NAT10: variants seen among roughly 807,000 people sequenced by gnomAD.
NAT10 encodes the protein N-acetyltransferase 10, also known as RNA cytidine acetyltransferase.
NAT10 carries 109 observed loss-of-function variants against 132.2 expected under a neutral mutation model. The observed-to-expected ratio is 0.82, with a 90% CI of 0.71 to 0.97. NAT10 has a LOEUF of 0.97. NAT10 is among the 50% of genes least tolerant of loss of function. The pLI, the probability that NAT10 is intolerant of heterozygous loss-of-function variation, is 0.00. For missense variants in NAT10, 1,184 were observed against 1,263.4 expected (o/e 0.94, Z 0.95); for synonymous variants, 479 against 478.0 (o/e 1.00, Z -0.03).
Position 34,130,833 on chromosome 11 carries a change from C to A in NAT10, c.1265C>A (p.Ser422Ter). 1.2e-6 allele frequency: 2 copies of A among 1,614,172 alleles called. No individual in the cohort carries two copies. The highest frequency in any genetic ancestry group is 2.2e-5 in the South Asian group (2 of 91,064). Residue 422 changes from serine (S) to a stop codon, truncating the protein, a stop_gained, in exon 13 of 29, where the codon TCA (serine) becomes TAA (stop). Coordinates refer to ENST00000257829, the MANE Select transcript of NAT10 (RefSeq NM_024662.3). LOFTEE classifies it high-confidence loss of function. ...TCTAGCTATGAGGGCACTGGCCGGT[C>A]ACTGTCCCTCAAGCTAATTCAGCAG... ...TINGYEGTGR[S>*]LSLKLIQQLR...
At chr11:34,132,963 A>C (rs950851009) in intron 15 of NAT10, 63 bp from the exon 16 acceptor site, 61 of 1,369,634 alleles carry the variant, frequency 4.5e-5, no homozygotes, top group Non-Finnish European at 4.4e-5. Context: ...TTCTGAATCG[A>C]ACCTTTTGCG....
intron 3 of NAT10, among the ~76,000 whole-genome samples, chr11:34,111,051 T>C (rs1450652252): frequency 6.6e-6 from 1 of 152,268 alleles, no homozygotes; most frequent in Non-Finnish European, 1.5e-5. Flanking sequence ...TTAGGGCTTC[T>C]GGTTTTCACT....
Position 34,124,370 on chromosome 11 carries a change from T to TGTATTTCGAGAAC in NAT10, c.1078_1090dup (p.His364ArgfsTer24). On this transcript the variant is annotated frameshift_variant, in exon 11 of 29. Transcript: ENST00000257829. LOFTEE classifies it high-confidence loss of function. ...TTAACAAAGCAGTGATCAGAGTGAA[T>TGTATTTCGAGAAC]GTATTTCGAGAACACAGGCAGACTA... 6.2e-7 allele frequency: 1 copy of TGTATTTCGAGAAC among 1,614,026 alleles called. No homozygotes were observed. Among genetic ancestry groups the TGTATTTCGAGAAC allele is most frequent in the Non-Finnish European group, 8.5e-7 (1 of 1,179,930 alleles).
At chr11:34,132,258 G>T (rs745936858) in intron 15 of NAT10, 37 bp downstream of exon 15, 2 of 1,526,220 alleles carry the variant, frequency 1.3e-6, no homozygotes, top group Admixed American at 3.3e-5. Context: ...TGGTAGCAGG[G>T]AGCTTCAGCA....
intron 11 of NAT10, 51 bp from the exon 12 acceptor site, chr11:34,127,412 G>A (rs1475406363): frequency 1.3e-6 from 2 of 1,532,446 alleles, no homozygotes; most frequent in Non-Finnish European, 1.8e-6. Context: ...AGTAATCACA[G>A]CTGTGACATG....
chr11:34,115,670 C>T (rs1047153332), intron 5 of NAT10, among the ~76,000 whole-genome samples, 153 bp from the exon 6 acceptor site: 1 of 152,246 alleles, frequency 6.6e-6, no homozygotes, highest in African/African-American at 2.4e-5. Context: ...ATCCCAGTTT[C>T]AGCAAATACC....
At position 34,123,777 on chromosome 11, in the gene NAT10, T is replaced by G; in HGVS notation, c.930T>G (p.Phe310Leu). 1 of 1,605,086 alleles carries G rather than the reference T, an allele frequency of 6.2e-7. No individual in the cohort carries two copies. Among genetic ancestry groups the G allele is most frequent in the Non-Finnish European group, 8.5e-7 (1 of 1,171,812 alleles). Residue 310 changes from phenylalanine to leucine, a missense_variant, in exon 10 of 29, where the codon TTT becomes TTG. Transcript: ENST00000257829. ...GAVAFGYSNI[F>L]VTSPSPDNLH... is the part of the protein sequence containing the mutation. Reference sequence around the variant, plus strand: ...TGTTCTGTAGGTACTCCAATATCTTTGTTACCTCCCCAAGCCCTGATAACC... The same window carrying G: ...TGTTCTGTAGGTACTCCAATATCTTGGTTACCTCCCCAAGCCCTGATAACC...
In NAT10 at chr11:34,136,672, C is replaced by T. The variant is rs767775994; in HGVS notation, c.2059C>T (p.Pro687Ser). 1.9e-6 allele frequency: 3 copies of T among 1,614,154 alleles called. No homozygotes were observed. The highest frequency in any genetic ancestry group is 2.5e-6 in the Non-Finnish European group (3 of 1,180,026). Residue 687 changes from proline to serine, a missense_variant, in exon 20 of 29, where the codon CCC (proline) becomes TCC (serine). Pro to Ser is a moderately conservative substitution (Grantham distance 74). Transcript: ENST00000257829. ...CAGCTTGTTGGAAGAGGTCATCACT[C>T]CCCGGAAGGACCTGCCTCCTTTACT... ...AVSLLEEVIT[P>S]RKDLPPLLLK...
intron 16 of NAT10, 73 bp downstream of exon 16, chr11:34,133,215 A>G (rs1018988864): frequency 8.6e-7 from 1 of 1,156,970 alleles, no homozygotes; most frequent in Non-Finnish European, 1.3e-6. Context: ...GTGGCTTAAT[A>G]ACTGCATTGT....
In NAT10 at chr11:34,145,694, G is replaced by A. The variant is rs149971628; in HGVS notation, c.2970-390G>A. On this transcript the variant is annotated intron_variant, in intron 28 of 28. Transcript: ENST00000257829. ...TTAAGGACTGTCTTCAGGGTCATTGGGATGAATATGTCTAGTTTCCAGAGT... is the reference window on the plus strand; with the variant it reads ...TTAAGGACTGTCTTCAGGGTCATTGAGATGAATATGTCTAGTTTCCAGAGT... Among the ~76,000 whole-genome samples the A allele has an allele frequency of 6.3e-3, 959 of 151,858 alleles. 11 individuals carry two copies. The highest frequency in any genetic ancestry group is 0.022 in the African/African-American group (903 of 41,136).
chr11:34,135,798 A>T (rs182830965), intron 19 of NAT10, among the ~76,000 whole-genome samples: 1 of 152,244 alleles, frequency 6.6e-6, no homozygotes, highest in African/African-American at 2.4e-5. Flanking sequence ...CTCCATCTCT[A>T]CAAAAAATAC....
At chr11:34,131,347 TTTC>T (rs1303012873) in intron 13 of NAT10, 31 bp from the exon 14 acceptor site, 2 of 1,576,640 alleles carry the variant, frequency 1.3e-6, no homozygotes, top group Non-Finnish European at 1.7e-6. Flanking sequence ...TTAATCATTG[TTTC>T]TTCTTTTGTG....
intron 26 of NAT10, 171 bp downstream of exon 26, chr11:34,141,988 A>C (rs1481714538): frequency 1.6e-6 from 1 of 643,072 alleles, no homozygotes; most frequent in African/African-American, 1.8e-5. Flanking sequence ...GTCTGAGCAC[A>C]CACAGGCCTA....
At chr11:34,145,390 T>C (rs1216259687) in intron 28 of NAT10, among the ~76,000 whole-genome samples, 1 of 152,206 alleles carries the variant, frequency 6.6e-6, no homozygotes, top group African/African-American at 2.4e-5. Flanking sequence ...ACTTCATTCA[T>C]ATGATGTTAA....
chr11:34,141,320 G>A (rs113991886), intron 25 of NAT10, 112 bp downstream of exon 25: 8 of 1,329,200 alleles, frequency 6.0e-6, no homozygotes, highest in East Asian at 2.6e-5. Flanking sequence ...GCTGCATCTC[G>A]TCACACACAC....
chr11:34,145,490 G>A (rs1012724664), intron 28 of NAT10, among the ~76,000 whole-genome samples: 1 of 152,186 alleles, frequency 6.6e-6, no homozygotes, highest in African/African-American at 2.4e-5. Flanking sequence ...TTAATGGCAG[G>A]TGGCCGTTTG....
intron 23 of NAT10, among the ~76,000 whole-genome samples, chr11:34,139,942 A>G (rs1003962007): frequency 6.6e-6 from 1 of 152,250 alleles, no homozygotes; most frequent in African/African-American, 2.4e-5. Flanking sequence ...GTTTTATTGC[A>G]TATTTTATAT....
chr11:34,122,627 T>C (rs1219262759), intron 9 of NAT10, 35 bp downstream of exon 9: 1 of 1,609,740 alleles, frequency 6.2e-7, no homozygotes. Context: ...TTAGGAACTC[T>C]GGGCTCTGTG....
chr11:34,133,698 T>A (rs1852149545), intron 16 of NAT10, among the ~76,000 whole-genome samples: 1 of 152,210 alleles, frequency 6.6e-6, no homozygotes, highest in Admixed American at 6.5e-5. Context: ...ACTTGTGCTG[T>A]TCTGTACAGA....
Sources: gnomAD v4.1 joint callset for allele counts (sites outside exome capture counted in the v4.1 genomes callset) on GRCh38, gnomAD v4.1.1 for gene constraint, MANE v1.5 for transcripts, NCBI Gene and HGNC (gene_info 2026-07-23, HGNC 2026-07-21) for gene names.